Variants in RNF125 observed in about 807,000 individuals in gnomAD.
RNF125 encodes ring finger protein 125.
In RNF125, 21 loss-of-function variants were observed where a neutral mutation model predicts 26.0. The ratio of observed to expected loss-of-function variants is 0.81; its 90% CI spans 0.57 to 1.16. The LOEUF is 1.16. Among genes scored for constraint, RNF125 ranks in the 50% most tolerant of loss-of-function variants. The pLI is 0.00. For missense variants in RNF125, 270 were observed against 299.4 expected, an observed-to-expected ratio of 0.90 and a Z score of 0.72; for synonymous variants, 95 against 109.2, an observed-to-expected ratio of 0.87 and a Z score of 0.81.
chr18:32,038,171 C>G (rs910925276), intron 2 of RNF125, among the ~76,000 whole-genome samples: 43 of 151,538 alleles, frequency 2.8e-4, no homozygotes, highest in African/African-American at 9.2e-4. Context: ...GCCTCAGCTT[C>G]CCGAGTAGCT....
intron 3 of RNF125, among the ~76,000 whole-genome samples, chr18:32,043,622 G>C (rs1328241820): frequency 1.3e-5 from 2 of 152,170 alleles, no homozygotes; most frequent in Admixed American, 1.3e-4. Flanking sequence ...GGTTGAGAAA[G>C]TGTATGGGTT....
the RNF125 span, among the ~76,000 whole-genome samples, chr18:32,080,854 G>T: frequency 6.6e-6 from 1 of 151,810 alleles, no homozygotes; most frequent in Non-Finnish European, 1.5e-5. Flanking sequence ...CTAGCCTGGG[G>T]GACTGTGCGA....
chr18:32,042,386 T>C, intron 3 of RNF125, 113 bp downstream of exon 3: 1 of 691,164 alleles, frequency 1.4e-6, no homozygotes, highest in Non-Finnish European at 2.4e-6. Context: ...TATGTTTATG[T>C]TCTTAACTAT....
chr18:32,045,519 C>T (rs892284328), intron 3 of RNF125, 123 bp from the exon 4 acceptor site: 1 of 506,362 alleles, frequency 2.0e-6, no homozygotes, highest in African/African-American at 2.1e-5. Flanking sequence ...TGAGATCATG[C>T]CACTGCACTC....
the RNF125 span, among the ~76,000 whole-genome samples, chr18:32,084,087 G>T: frequency 1.3e-5 from 2 of 152,146 alleles, no homozygotes; most frequent in Non-Finnish European, 2.9e-5. Flanking sequence ...CAGGTGCGGT[G>T]GCTTACACCT....
chr18:32,071,465 C>G lies in RNF125; in HGVS notation c.*3081C>G, dbSNP rs1411087827. 6.6e-6 allele frequency: 1 copy of G among 152,156 alleles called. No individual in the cohort carries two copies. The highest frequency in any genetic ancestry group is 1.5e-5 in the Non-Finnish European group (1 of 68,048). 9.4% of individuals were successfully genotyped at this position (152,156 alleles called of 1,614,324 possible). A position where few individuals can be genotyped will look rare whatever the true frequency, so the allele number is the denominator to read the frequency against. ...CCCAGTTTTTATTTGATGGCTCTGA[C>G]TGTTTCTCATATCTGACTCTTTAAT... is the stretch of plus-strand genomic sequence containing the variant. On this transcript the variant is annotated 3_prime_UTR_variant, in exon 6 of 6. Transcript: ENST00000217740.
At chr18:32,037,012 G>A (rs2039162045) in intron 1 of RNF125, 104 bp from the exon 2 acceptor site, 1 of 1,005,988 alleles carries the variant, frequency 9.9e-7, no homozygotes, top group East Asian at 2.8e-5. Context: ...ATGGCTCATG[G>A]GGTACGAGGT....
chr18:32,030,338 C>T (rs764588986), intron 1 of RNF125, among the ~76,000 whole-genome samples: 37 of 152,180 alleles, frequency 2.4e-4, no homozygotes, highest in Non-Finnish European at 3.7e-4. Flanking sequence ...CCACCCTACC[C>T]GGCAGTGAAT....
Position 32,045,698 on chromosome 18 carries a change from G to T in RNF125, c.470G>T (p.Cys157Phe). ...TATGAAGACAGCTTGCTGGATCATT[G>T]TATTACTCATCACAGATCGGAACGG... ...ELYEDSLLDHCITHHRSERRP... is the reference protein window; with the variant it reads ...ELYEDSLLDHFITHHRSERRP... The change falls in exon 4 of 6, where the codon TGT (cysteine) becomes TTT (phenylalanine). Residue 157 changes from cysteine to phenylalanine, a missense_variant. Physicochemically the swap from Cys to Phe is radical, Grantham distance 205 (BLOSUM62 -2). Coordinates refer to ENST00000217740, the MANE Select transcript of RNF125 (RefSeq NM_017831.4). 6.2e-7 allele frequency: 1 copy of T among 1,612,736 alleles called. No homozygotes were observed. The highest frequency in any genetic ancestry group is 1.1e-5 in the South Asian group (1 of 90,994).
intron 4 of RNF125, among the ~76,000 whole-genome samples, chr18:32,063,227 CAAA>C (rs34268640): frequency 3.0e-5 from 3 of 98,912 alleles, no homozygotes; most frequent in Admixed American, 1.2e-4. Context: ...AACTCCATTT[CAAA>C]AAAAAAAAAA....
At chr18:32,075,854 G>C, downstream of RNF125, 1 of 821,364 alleles carries the variant, frequency 1.2e-6, no homozygotes, top group South Asian at 1.4e-5. Context: ...ATGTCCACGA[G>C]TCATTTTATT....
chr18:32,046,457 C>T (rs370587901), intron 4 of RNF125, among the ~76,000 whole-genome samples: 2 of 151,146 alleles, frequency 1.3e-5, no homozygotes, highest in African/African-American at 4.9e-5. Context: ...ATTAGCCAGG[C>T]GTGGTGGTGG....
intron 1 of RNF125, among the ~76,000 whole-genome samples, chr18:32,019,594 C>T (rs1024385194): frequency 2.0e-5 from 3 of 152,158 alleles, no homozygotes; most frequent in Admixed American, 6.6e-5. Context: ...TCCACCCCCA[C>T]CCCTGCTACC....
chr18:32,075,481 G>C (rs1001874442), downstream of RNF125, among the ~76,000 whole-genome samples: 1 of 152,098 alleles, frequency 6.6e-6, no homozygotes, highest in African/African-American at 2.4e-5. Context: ...ATCACCTGAG[G>C]TCGGGAGTTC....
chr18:32,038,764 CTTTATT>C (rs1244822725), intron 2 of RNF125, among the ~76,000 whole-genome samples: 1 of 151,930 alleles, frequency 6.6e-6, no homozygotes, highest in Admixed American at 6.6e-5. Flanking sequence ...GGGCTTATAT[CTTTATT>C]TTTATTTTTA....
the RNF125 span, among the ~76,000 whole-genome samples, chr18:32,086,398 C>G: frequency 6.8e-5 from 10 of 146,670 alleles, no homozygotes; most frequent in African/African-American, 2.5e-4. Context: ...GTTGTTCAGG[C>G]TGGAGTGCAG....
intron 4 of RNF125, among the ~76,000 whole-genome samples, chr18:32,058,595 C>T (rs1195123703): frequency 2.0e-5 from 3 of 152,196 alleles, no homozygotes; most frequent in Non-Finnish European, 2.9e-5. Context: ...ATCCACCCAC[C>T]TTGGCCTCCC....
intron 4 of RNF125, among the ~76,000 whole-genome samples, chr18:32,055,979 CAAAAAAAAAA>C (rs67968645): frequency 2.5e-5 from 2 of 78,864 alleles, no homozygotes; most frequent in Non-Finnish European, 4.6e-5. Flanking sequence ...AACTCCATCT[CAAAAAAAAAA>C]AAAAAAAAAA....
intron 1 of RNF125, among the ~76,000 whole-genome samples, chr18:32,019,270 C>T (rs955705730): frequency 2.2e-4 from 33 of 152,126 alleles, no homozygotes; most frequent in African/African-American, 7.0e-4. Context: ...TTTCAGCTCC[C>T]GAAGCCCAGG....
Sources: gnomAD v4.1 joint callset for allele counts (sites outside exome capture counted in the v4.1 genomes callset) on GRCh38, gnomAD v4.1.1 for gene constraint, MANE v1.5 for transcripts, NCBI Gene and HGNC (gene_info 2026-07-23, HGNC 2026-07-21) for gene names.